Variants in DLC1 observed in about 807,000 individuals in gnomAD.
The protein encoded by DLC1 is DLC1 Rho GTPase activating protein.
Under a neutral mutation model 140.3 loss-of-function variants are expected in DLC1, and 54 were observed. The ratio of observed to expected loss-of-function variants is 0.38; its 90% CI spans 0.31 to 0.48. The LOEUF is 0.48. Among genes scored for constraint, DLC1 ranks in the 20% least tolerant of loss-of-function variants. The pLI is 0.96. For missense variants in DLC1, 2,536 were observed against 1,907.0 expected (o/e 1.33, Z -6.14); for synonymous variants, 986 against 728.1 (o/e 1.35, Z -5.70).
rs138570076 is a variant in DLC1 at position 13,430,184 on chromosome 8, C to T, written c.1024-28565G>A. Among the ~76,000 whole-genome samples, 478 of 152,238 alleles carry T rather than the reference C, an allele frequency of 3.1e-3. 2 individuals carry two copies. Among genetic ancestry groups the T allele is most frequent in the African/African-American group, 0.011 (466 of 41,550 alleles). Reference sequence around the variant, plus strand: ...GATCAATAGTTCTCAAATTGGAGAGCGCATGAGTCTTCTGGGAGTTTGTTG... The same window carrying T: ...GATCAATAGTTCTCAAATTGGAGAGTGCATGAGTCTTCTGGGAGTTTGTTG... On this transcript the variant is annotated intron_variant, in intron 2 of 17. Transcript: ENST00000276297.
intron 5 of DLC1, among the ~76,000 whole-genome samples, chr8:13,153,724 T>C (rs967987160): frequency 6.6e-6 from 1 of 152,154 alleles, no homozygotes; most frequent in Non-Finnish European, 1.5e-5. Flanking sequence ...CTAGATTAGC[T>C]AGACACAAGG....
At chr8:13,237,840 C>T (rs1487898746) in intron 5 of DLC1, among the ~76,000 whole-genome samples, 1 of 151,404 alleles carries the variant, frequency 6.6e-6, no homozygotes, top group East Asian at 1.9e-4. Flanking sequence ...CATATCTCTT[C>T]CTGGGTTATA....
At chr8:13,429,549 A>T (rs774498979) in intron 2 of DLC1, among the ~76,000 whole-genome samples, 5 of 152,254 alleles carry the variant, frequency 3.3e-5, no homozygotes, top group Admixed American at 6.5e-5. Flanking sequence ...TACTGTCATC[A>T]TGCAGCAGCA....
intron 2 of DLC1, among the ~76,000 whole-genome samples, chr8:13,451,068 A>AAAAAAAAAAAAG (rs1799028861): frequency 1.4e-5 from 2 of 143,976 alleles, no homozygotes; most frequent in East Asian, 2.0e-4. Context: ...AAAAAAAAAA[A>AAAAAAAAAAAAG]GAAAAAAAGA....
intron 4 of DLC1, among the ~76,000 whole-genome samples, chr8:13,386,216 A>G (rs1241713505): frequency 6.6e-6 from 1 of 152,148 alleles, no homozygotes; most frequent in Non-Finnish European, 1.5e-5. Context: ...TGATTTTTAA[A>G]TATTATTTCT....
At chr8:13,247,578 A>G (rs556593078) in intron 5 of DLC1, among the ~76,000 whole-genome samples, 1 of 152,280 alleles carries the variant, frequency 6.6e-6, no homozygotes, top group South Asian at 2.1e-4. Context: ...ATAATTCCCT[A>G]CATTCTAAGC....
At chr8:13,141,195 C>T (rs957351546) in intron 5 of DLC1, among the ~76,000 whole-genome samples, 9 of 128,230 alleles carry the variant, frequency 7.0e-5, no homozygotes, top group Middle Eastern at 5.2e-3. Context: ...GTGGAGTTTG[C>T]GGTGAGCCGA....
chr8:13,199,698 G>A (rs1040364203), intron 5 of DLC1, among the ~76,000 whole-genome samples: 5 of 152,120 alleles, frequency 3.3e-5, no homozygotes, highest in African/African-American at 9.7e-5. Context: ...AGGGGAGGAT[G>A]TTATTTCTAT....
intron 2 of DLC1, among the ~76,000 whole-genome samples, chr8:13,471,497 C>G (rs369019409): frequency 7.8e-5 from 9 of 115,542 alleles, no homozygotes; most frequent in Admixed American, 2.2e-4. Flanking sequence ...GGAAGGGAGG[C>G]AGGGAAAGGA....
At chr8:13,173,159 C>A (rs2116936615) in intron 5 of DLC1, among the ~76,000 whole-genome samples, 1 of 152,090 alleles carries the variant, frequency 6.6e-6, no homozygotes, top group African/African-American at 2.4e-5. Context: ...AACGTTTGAG[C>A]CCTATTTTTA....
At chr8:13,180,331 C>T (rs1327581792) in intron 5 of DLC1, among the ~76,000 whole-genome samples, 1 of 152,152 alleles carries the variant, frequency 6.6e-6, no homozygotes, top group African/African-American at 2.4e-5. Flanking sequence ...AAGGGAAGCA[C>T]CTTTTTTGTG....
chr8:13,148,592 T>C (rs1823596029), intron 5 of DLC1, among the ~76,000 whole-genome samples: 1 of 152,192 alleles, frequency 6.6e-6, no homozygotes, highest in South Asian at 2.1e-4. Context: ...GTGTGTCTTT[T>C]ACACAAATGG....
intron 1 of DLC1, among the ~76,000 whole-genome samples, chr8:13,598,372 G>GCAGCACATGCATGACCTTGGAGTAGCCAA (rs1805751523): frequency 1.3e-5 from 2 of 151,512 alleles, no homozygotes; most frequent in Non-Finnish European, 3.0e-5. Flanking sequence ...CTGTCTCTGT[G>GCAGCACATGCATGACCTTGGAGTAGCCAA]GGGACCACTT....
At chr8:13,537,266 A>T (rs1803313821) in intron 1 of DLC1, among the ~76,000 whole-genome samples, 1 of 152,220 alleles carries the variant, frequency 6.6e-6, no homozygotes, top group African/African-American at 2.4e-5. Flanking sequence ...CACGTTTTGT[A>T]GTTGTGTTCA....
At chr8:13,377,278 GTGGAATT>G (rs1836037686) in intron 4 of DLC1, among the ~76,000 whole-genome samples, 1 of 152,144 alleles carries the variant, frequency 6.6e-6, no homozygotes, top group South Asian at 2.1e-4. Context: ...GTGTAGAAGT[GTGGAATT>G]TGGAAGTAAT....
rs117641644 is a variant in DLC1, at chr8:13,291,868, A to G, written c.1348+13401T>C. Among the ~76,000 whole-genome samples the G allele has an allele frequency of 7.2e-3, 1,100 of 152,320 alleles. 6 individuals are homozygous for G. The highest frequency in any genetic ancestry group is 0.014 in the South Asian group (66 of 4,826). ...AATAGAGACAGAGCAAGAGGCTGAA[A>G]AGCTACCATAGACGAAGCAAAGGTT... On this transcript the variant is annotated intron_variant, in intron 5 of 17. Transcript: ENST00000276297.
chr8:13,183,525 AG>A (rs1398671200), intron 5 of DLC1, among the ~76,000 whole-genome samples: 1 of 152,158 alleles, frequency 6.6e-6, no homozygotes, highest in Non-Finnish European at 1.5e-5. Context: ...TTTAGCATGA[AG>A]GGCTGTTGAA....
intron 5 of DLC1, chr8:13,214,737 C>A (rs150388069): frequency 1.3e-6 from 1 of 780,930 alleles, no homozygotes; most frequent in Non-Finnish European, 2.4e-6. Flanking sequence ...CCTTTGTGCT[C>A]TTATCTTCAT....
chr8:13,135,048 T>G (rs754923742), intron 5 of DLC1, among the ~76,000 whole-genome samples: 14 of 151,992 alleles, frequency 9.2e-5, no homozygotes, highest in Non-Finnish European at 1.6e-4. Flanking sequence ...GTTGCCCTCA[T>G]GAGTGTGGGA....
Sources: gnomAD v4.1 joint callset for allele counts (sites outside exome capture counted in the v4.1 genomes callset) on GRCh38, gnomAD v4.1.1 for gene constraint, MANE v1.5 for transcripts, NCBI Gene and HGNC (gene_info 2026-07-23, HGNC 2026-07-21) for gene names.